Variants in MGAT5 observed in about 807,000 individuals in gnomAD.
MGAT5 encodes the protein alpha-1,6-mannosylglycoprotein 6-beta-N-acetylglucosaminyltransferase.
MGAT5 carries 30 observed loss-of-function variants against 94.3 expected under a neutral mutation model. That is an observed-to-expected ratio of 0.32 (90% CI 0.24 to 0.43). The LOEUF is 0.43. MGAT5 is among the 20% of genes least tolerant of loss of function. The pLI, the probability that MGAT5 is intolerant of heterozygous loss-of-function variation, is 1.00. For synonymous variants in MGAT5, 310 were observed against 322.9 expected, an observed-to-expected ratio of 0.96 and a Z score of 0.43; for missense variants, 691 against 905.5, an observed-to-expected ratio of 0.76 and a Z score of 3.04.
At chr2:134,147,415 T>C (rs536664567) in intron 1 of MGAT5, among the ~76,000 whole-genome samples, 2 of 152,318 alleles carry the variant, frequency 1.3e-5, no homozygotes, top group African/African-American at 2.4e-5. Flanking sequence ...TCCTAAGATA[T>C]TGGCATTCAT....
intron 10 of MGAT5, among the ~76,000 whole-genome samples, chr2:134,384,355 G>A (rs1285113666): frequency 6.6e-6 from 1 of 152,008 alleles, no homozygotes; most frequent in African/African-American, 2.4e-5. Flanking sequence ...TTTGATTGAG[G>A]GTTTGTTTGG....
chr2:134,125,280 G>A (rs1229480532), intron 1 of MGAT5, among the ~76,000 whole-genome samples: 1 of 152,166 alleles, frequency 6.6e-6, no homozygotes, highest in Non-Finnish European at 1.5e-5. Context: ...ACATCATGAG[G>A]TCAGGAAATC....
At chr2:134,198,178 A>T (rs1558983330) in intron 1 of MGAT5, among the ~76,000 whole-genome samples, 1 of 152,204 alleles carries the variant, frequency 6.6e-6, no homozygotes, top group African/African-American at 2.4e-5. Flanking sequence ...CTTCATATTG[A>T]AAAATGAAAC....
chr2:134,208,627 G>T (rs1680135910), intron 1 of MGAT5, among the ~76,000 whole-genome samples: 1 of 152,202 alleles, frequency 6.6e-6, no homozygotes, highest in Non-Finnish European at 1.5e-5. Context: ...TAACATAGAT[G>T]CATATGTATA....
intron 2 of MGAT5, among the ~76,000 whole-genome samples, chr2:134,272,935 A>G (rs954604472): frequency 6.6e-6 from 1 of 152,226 alleles, no homozygotes; most frequent in Admixed American, 6.5e-5. Flanking sequence ...CTGTCTCATT[A>G]AGGATTTCTC....
rs1190580592 is a variant in MGAT5, at chr2:134,336,163, A to G, written c.574-54A>G. 2.8e-6 allele frequency: 4 copies of G among 1,419,988 alleles called. No homozygotes were observed. In the African/African-American group the frequency reaches 4.3e-5, roughly 15 times the overall value. 88.0% of individuals were successfully genotyped at this position (1,419,988 alleles called of 1,614,324 possible). A position where few individuals can be genotyped will look rare whatever the true frequency, so the allele number is the denominator to read the frequency against. On this transcript the variant is annotated intron_variant, in intron 4 of 15. Coordinates refer to ENST00000281923, the MANE Select transcript of MGAT5 (RefSeq NM_002410.5). ...GAGCTGTTCTCGGTGCTTTTTATGTATATTAATTCATTATAGATGAAGCTG... is the reference window on the plus strand; with the variant it reads ...GAGCTGTTCTCGGTGCTTTTTATGTGTATTAATTCATTATAGATGAAGCTG...
intron 1 of MGAT5, among the ~76,000 whole-genome samples, chr2:134,141,839 G>A (rs149385299): frequency 6.6e-6 from 1 of 152,334 alleles, no homozygotes; most frequent in East Asian, 1.9e-4. Context: ...GGGATGGGGC[G>A]AGGTCAGGAA....
At chr2:134,132,956 T>G (rs1461153592) in intron 1 of MGAT5, among the ~76,000 whole-genome samples, 3 of 151,598 alleles carry the variant, frequency 2.0e-5, no homozygotes, top group Non-Finnish European at 2.9e-5. Flanking sequence ...TAAGTAGTGT[T>G]ATGCCCCCCC....
chr2:134,216,250 G>A (rs896821957), intron 1 of MGAT5, among the ~76,000 whole-genome samples: 4 of 152,138 alleles, frequency 2.6e-5, no homozygotes, highest in African/African-American at 9.7e-5. Context: ...GTATTAAACC[G>A]GGACACTTAT....
At chr2:134,282,548 C>T (rs1484597499) in intron 2 of MGAT5, among the ~76,000 whole-genome samples, 1 of 152,236 alleles carries the variant, frequency 6.6e-6, no homozygotes, top group Non-Finnish European at 1.5e-5. Context: ...TATTCTACCA[C>T]CCAGAGATCG....
intron 1 of MGAT5, among the ~76,000 whole-genome samples, chr2:134,203,200 T>G (rs2105291169): frequency 6.6e-6 from 1 of 152,312 alleles, no homozygotes; most frequent in South Asian, 2.1e-4. Context: ...AATTAGGTTA[T>G]CCCCATAGGT....
chr2:134,291,430 C>G (rs1170539763), intron 2 of MGAT5, among the ~76,000 whole-genome samples: 2 of 152,122 alleles, frequency 1.3e-5, no homozygotes, highest in African/African-American at 4.8e-5. Flanking sequence ...ATTTTAGTCT[C>G]CAGAATTATG....
intron 2 of MGAT5, among the ~76,000 whole-genome samples, chr2:134,306,210 A>C (rs958726057): frequency 5.9e-5 from 9 of 152,216 alleles, no homozygotes; most frequent in African/African-American, 2.2e-4. Context: ...ATTTTGTTGC[A>C]GAAGAAATGA....
In MGAT5 at chr2:134,208,962, T is replaced by A. The variant is rs74772227; in HGVS notation, c.-142-45300T>A. Among the ~76,000 whole-genome samples the A allele has an allele frequency of 9.9e-3, 1,505 of 152,282 alleles. 25 individuals are homozygous for A. Among genetic ancestry groups the A allele is most frequent in the African/African-American group, 0.035 (1,450 of 41,554 alleles). On this transcript the variant is annotated intron_variant, in intron 1 of 16. Transcript: ENST00000409645. Reference sequence around the variant, plus strand: ...CAGTGTCTGTTTTTCCCCAGTGTTCTGGGAGCAGGGTTTCCTGGTGTTCTG... The same window carrying A: ...CAGTGTCTGTTTTTCCCCAGTGTTCAGGGAGCAGGGTTTCCTGGTGTTCTG...
intron 1 of MGAT5, among the ~76,000 whole-genome samples, chr2:134,208,229 A>T (rs1255558341): frequency 2.0e-5 from 3 of 152,172 alleles, no homozygotes; most frequent in African/African-American, 7.2e-5. Context: ...CTTGTTACTT[A>T]ACATATTTTC....
chr2:134,309,649 G>A (rs1005746447), intron 2 of MGAT5, among the ~76,000 whole-genome samples: 1 of 152,108 alleles, frequency 6.6e-6, no homozygotes, highest in African/African-American at 2.4e-5. Flanking sequence ...CTAGGTGTGT[G>A]AATAACCTTT....
At chr2:134,230,264 G>A (rs1011031414) in intron 1 of MGAT5, among the ~76,000 whole-genome samples, 4 of 152,176 alleles carry the variant, frequency 2.6e-5, no homozygotes, top group Non-Finnish European at 5.9e-5. Flanking sequence ...TGCAACCGCT[G>A]ATATGACAGG....
chr2:134,143,134 T>C (rs1686739143), intron 1 of MGAT5, among the ~76,000 whole-genome samples: 1 of 151,978 alleles, frequency 6.6e-6, no homozygotes, highest in African/African-American at 2.4e-5. Flanking sequence ...ATACACAGAA[T>C]AGGTGAACCC....
At chr2:134,177,201 G>A (rs1473207859) in intron 1 of MGAT5, among the ~76,000 whole-genome samples, 1 of 105,986 alleles carries the variant, frequency 9.4e-6, no homozygotes, top group African/African-American at 4.6e-5. Context: ...TCTAGTGTAA[G>A]TTTTTTCTTG....
Sources: allele counts gnomAD v4.1 joint callset (sites outside exome capture counted in the v4.1 genomes callset), GRCh38; gene constraint gnomAD v4.1.1; transcripts MANE v1.5; gene names NCBI Gene and HGNC (gene_info 2026-07-23, HGNC 2026-07-21).